Variants in GARIN5B observed in about 807,000 individuals in gnomAD.
The protein encoded by GARIN5B is golgi associated RAB2 interactor family member 5B, also known as Golgi-associated RAB2 interactor protein 5B.
the GARIN5B span, chr19:55,359,796 C>G: frequency 6.4e-7 from 1 of 1,551,358 alleles, no homozygotes; most frequent in Non-Finnish European, 8.7e-7. Flanking sequence ...CCGGAGGCAG[C>G]AGACGACAAA....
the GARIN5B span, among the ~76,000 whole-genome samples, chr19:55,357,725 AAT>A: frequency 8.5e-3 from 1,293 of 152,332 alleles, 11 homozygotes; most frequent in Non-Finnish European, 0.015. Context: ...TGCCTAGAAC[AAT>A]GCCTGGCACA....
At chr19:55,363,107 C>A in the GARIN5B span, 1 of 1,441,248 alleles carries the variant, frequency 6.9e-7, no homozygotes. The surrounding 1 kb of genome is among the most constrained non-coding windows in gnomAD (Gnocchi z 4.0). Context: ...GGACCCAGAA[C>A]CCAGGCGTGC....
At chr19:55,359,554 A>C in the GARIN5B span, 6 of 1,551,014 alleles carry the variant, frequency 3.9e-6, no homozygotes, top group Non-Finnish European at 5.2e-6. Flanking sequence ...CCTTCTGGGG[A>C]GGAGCCAATC....
the GARIN5B span, chr19:55,358,037 G>T: frequency 8.0e-7 from 1 of 1,255,566 alleles, no homozygotes; most frequent in Non-Finnish European, 1.0e-6. Context: ...CTGGGTGACA[G>T]AGTGAGACCC....
At chr19:55,361,127 G>A in the GARIN5B span, 2 of 1,551,290 alleles carry the variant, frequency 1.3e-6, no homozygotes, top group Non-Finnish European at 1.7e-6. Context: ...GGAAGGGACG[G>A]TTAGACAGGG....
chr19:55,359,201 G>A, the GARIN5B span: 1 of 1,551,448 alleles, frequency 6.4e-7, no homozygotes. Context: ...CTTCCCCCGT[G>A]AGGCAGGCGG....
chr19:55,362,777 G>A, the GARIN5B span: 1 of 1,503,102 alleles, frequency 6.7e-7, no homozygotes. Context: ...CCTTCCTCCA[G>A]CAGCCACAGC....
At chr19:55,357,137 C>T in the GARIN5B span, among the ~76,000 whole-genome samples, 3 of 152,172 alleles carry the variant, frequency 2.0e-5, no homozygotes, top group African/African-American at 7.2e-5. Flanking sequence ...GACCCCTGGC[C>T]TCCAACGATT....
the GARIN5B span, chr19:55,362,136 G>C: frequency 1.7e-5 from 24 of 1,391,314 alleles, no homozygotes; most frequent in Non-Finnish European, 2.1e-5. Context: ...CTACTCAGGG[G>C]TCCAGGCCCC....
At chr19:55,358,221 G>T in the GARIN5B span, 1 of 1,550,082 alleles carries the variant, frequency 6.5e-7, no homozygotes, top group Non-Finnish European at 8.7e-7. Context: ...ACAGTTTCAA[G>T]TTCTAAGAGC....
chr19:55,362,932 C>A, the GARIN5B span: 1 of 1,504,352 alleles, frequency 6.6e-7, no homozygotes. Context: ...CAAAGTTACT[C>A]TCGAACATGG....
chr19:55,361,549 C>T, the GARIN5B span: 2 of 1,121,418 alleles, frequency 1.8e-6, no homozygotes, highest in Admixed American at 3.3e-5. Flanking sequence ...GCTCCTCCTG[C>T]CTCAGACCCA....
the GARIN5B span, chr19:55,361,164 G>A: frequency 1.2e-5 from 18 of 1,551,082 alleles, no homozygotes; most frequent in Non-Finnish European, 1.5e-5. Flanking sequence ...ACACCACCCC[G>A]CCGGCTCACC....
chr19:55,361,719 C>CTTAG, the GARIN5B span, among the ~76,000 whole-genome samples: 1 of 53,406 alleles, frequency 1.9e-5, no homozygotes, highest in African/African-American at 5.0e-5. Context: ...GTCCCCAGCC[C>CTTAG]CTCCTCCCTC....
At chr19:55,359,754 A>G in the GARIN5B span, 1 of 1,551,350 alleles carries the variant, frequency 6.4e-7, no homozygotes. Flanking sequence ...TAGGGTGTGG[A>G]GAGGCAGGCA....
the GARIN5B span, chr19:55,361,335 A>G: frequency 1.3e-6 from 2 of 1,541,990 alleles, no homozygotes. Context: ...GGAAGGGGGA[A>G]GAGCCAAAGG....
the GARIN5B span, among the ~76,000 whole-genome samples, chr19:55,356,145 AT>A: frequency 6.6e-6 from 1 of 150,974 alleles, no homozygotes; most frequent in East Asian, 2.0e-4. Context: ...GGGAAGCCGG[AT>A]GGATCACCTG....
the GARIN5B span, chr19:55,363,260 T>G: frequency 2.0e-6 from 1 of 492,020 alleles, no homozygotes; most frequent in Non-Finnish European, 3.3e-6. The surrounding 1 kb of genome is among the most constrained non-coding windows in gnomAD (Gnocchi z 4.0). Flanking sequence ...AGCAGGGGTC[T>G]GGGGGAGGAG....
the GARIN5B span, chr19:55,359,112 G>C: frequency 6.4e-7 from 1 of 1,551,274 alleles, no homozygotes. Flanking sequence ...ACCGGCTCCG[G>C]TTTCCCTCCA....
Sources: allele counts gnomAD v4.1 joint callset (sites outside exome capture counted in the v4.1 genomes callset), GRCh38; gene constraint gnomAD v4.1.1; non-coding constraint Gnocchi (gnomAD v3.1); transcripts MANE v1.5; gene names NCBI Gene and HGNC (gene_info 2026-07-23, HGNC 2026-07-21).